Variants in CHRM3 observed in about 807,000 individuals in gnomAD.
CHRM3 encodes muscarinic acetylcholine receptor M3.
CHRM3 carries 11 observed loss-of-function variants against 41.8 expected under a neutral mutation model. The observed-to-expected ratio is 0.26, with a 90% CI of 0.17 to 0.44. The LOEUF (loss-of-function observed/expected upper bound fraction) is 0.44, where lower values mean the gene tolerates loss of function less well. Among genes scored for constraint, CHRM3 ranks in the 20% least tolerant of loss-of-function variants. CHRM3 has a pLI of 1.00. For missense variants in CHRM3, 571 were observed against 745.4 expected (o/e 0.77, Z 2.72); for synonymous variants, 297 against 301.4 (o/e 0.99, Z 0.15).
chr1:239,585,527 C>T (rs1021056451), intron 3 of CHRM3, among the ~76,000 whole-genome samples: 4 of 152,112 alleles, frequency 2.6e-5, no homozygotes, highest in Non-Finnish European at 5.9e-5. Context: ...ATCATGTTGT[C>T]ATAAAGGGCA....
chr1:239,902,374 C>T (rs1214194245), intron 6 of CHRM3, among the ~76,000 whole-genome samples: 3 of 152,160 alleles, frequency 2.0e-5, no homozygotes, highest in African/African-American at 7.2e-5. Context: ...GTTTATACAT[C>T]TCCTGGGCCA....
intron 1 of CHRM3, among the ~76,000 whole-genome samples, chr1:239,412,580 G>T (rs889252388): frequency 6.6e-6 from 1 of 151,320 alleles, no homozygotes; most frequent in Non-Finnish European, 1.5e-5. Flanking sequence ...GATGAAATGA[G>T]TATATGTGTG....
chr1:239,534,144 A>G (rs1386428123), intron 2 of CHRM3, among the ~76,000 whole-genome samples: 4 of 152,206 alleles, frequency 2.6e-5, no homozygotes, highest in South Asian at 4.1e-4. Context: ...CCTGGCCAAC[A>G]TGTCCAAATG....
intron 4 of CHRM3, among the ~76,000 whole-genome samples, chr1:239,633,844 A>G (rs186286025): frequency 2.0e-5 from 3 of 152,234 alleles, no homozygotes; most frequent in Non-Finnish European, 1.5e-5. Flanking sequence ...TGAGACACAT[A>G]CAGTCCCTAA....
intron 5 of CHRM3, among the ~76,000 whole-genome samples, chr1:239,793,803 A>ATTTGTT (rs1669531903): frequency 1.4e-5 from 1 of 69,496 alleles, no homozygotes; most frequent in Non-Finnish European, 2.5e-5. Flanking sequence ...TGAAATGTGT[A>ATTTGTT]TTTTTTTTTT....
chr1:239,710,942 T>C (rs1661717472), intron 5 of CHRM3, among the ~76,000 whole-genome samples: 1 of 151,802 alleles, frequency 6.6e-6, no homozygotes, highest in African/African-American at 2.4e-5. Context: ...TTGGCTTCTT[T>C]TTAGGAAATT....
chr1:239,616,098 CTAT>C (rs1468244123), intron 3 of CHRM3, among the ~76,000 whole-genome samples: 1 of 152,142 alleles, frequency 6.6e-6, no homozygotes, highest in Non-Finnish European at 1.5e-5. Flanking sequence ...AAATAAACAA[CTAT>C]TATTATCAAT....
intron 1 of CHRM3, among the ~76,000 whole-genome samples, chr1:239,472,976 T>C (rs956959935): frequency 2.0e-5 from 3 of 152,122 alleles, no homozygotes; most frequent in African/African-American, 7.2e-5. Context: ...GAAAGATCAG[T>C]AATAGTCTCA....
At chr1:239,629,414 T>A (rs1448202047) in intron 3 of CHRM3, 3 of 148,396 alleles carry the variant, frequency 2.0e-5, no homozygotes, top group Non-Finnish European at 4.4e-5. Flanking sequence ...CACTCCCTAG[T>A]GAGATGAACC....
At chr1:239,400,594 T>G (rs1196659068) in intron 1 of CHRM3, among the ~76,000 whole-genome samples, 6 of 152,162 alleles carry the variant, frequency 3.9e-5, no homozygotes, top group Admixed American at 3.9e-4. Flanking sequence ...GGCCTTAAAT[T>G]TAAGTCTTTA....
intron 4 of CHRM3, among the ~76,000 whole-genome samples, chr1:239,637,288 G>A (rs919799444): frequency 1.2e-4 from 18 of 151,946 alleles, no homozygotes; most frequent in East Asian, 3.9e-4. Flanking sequence ...GTTTATATGC[G>A]TAGAAAATGT....
chr1:239,769,561 C>T (rs887885299), intron 5 of CHRM3, among the ~76,000 whole-genome samples: 1 of 152,176 alleles, frequency 6.6e-6, no homozygotes, highest in Non-Finnish European at 1.5e-5. Context: ...CTTCTCCTTC[C>T]AGATCACTCA....
intron 2 of CHRM3, among the ~76,000 whole-genome samples, chr1:239,529,698 G>A (rs936694144): frequency 2.6e-5 from 4 of 151,176 alleles, no homozygotes; most frequent in Non-Finnish European, 5.9e-5. Context: ...ACTTTACTTG[G>A]CTAATTGTAT....
At chr1:239,663,513 G>T (rs1214224529) in intron 4 of CHRM3, among the ~76,000 whole-genome samples, 1 of 152,132 alleles carries the variant, frequency 6.6e-6, no homozygotes, top group Non-Finnish European at 1.5e-5. Context: ...GAGAAAGGAA[G>T]AATACACACT....
intron 5 of CHRM3, among the ~76,000 whole-genome samples, chr1:239,719,819 A>G (rs1222381636): frequency 1.3e-5 from 2 of 151,974 alleles, no homozygotes; most frequent in Admixed American, 6.6e-5. Context: ...AGATGAAGCA[A>G]CTATGTCCTT....
At chr1:239,584,262 C>G (rs1381156924) in intron 3 of CHRM3, among the ~76,000 whole-genome samples, 1 of 151,884 alleles carries the variant, frequency 6.6e-6, no homozygotes. Flanking sequence ...TGCCACCATG[C>G]CTGGCTAATT....
At chr1:239,456,309 C>T (rs1664931576) in intron 1 of CHRM3, among the ~76,000 whole-genome samples, 1 of 152,190 alleles carries the variant, frequency 6.6e-6, no homozygotes, top group Admixed American at 6.5e-5. Flanking sequence ...GGTAAATGCC[C>T]TATGCAGGTA....
intron 5 of CHRM3, among the ~76,000 whole-genome samples, chr1:239,689,582 T>C (rs1659511202): frequency 6.6e-6 from 1 of 152,152 alleles, no homozygotes; most frequent in Non-Finnish European, 1.5e-5. Context: ...GGAGGAGGGA[T>C]TTCGTTTACT....
chr1:239,524,907 T>A (rs951210750), intron 2 of CHRM3, among the ~76,000 whole-genome samples: 2 of 152,196 alleles, frequency 1.3e-5, no homozygotes, highest in African/African-American at 4.8e-5. Context: ...TAAGAATTTT[T>A]AAAAATTCTT....
Sources: allele counts gnomAD v4.1 joint callset (sites outside exome capture counted in the v4.1 genomes callset), GRCh38; gene constraint gnomAD v4.1.1; transcripts MANE v1.5; gene names NCBI Gene and HGNC (gene_info 2026-07-23, HGNC 2026-07-21).